Variants in SYNE1 observed in about 807,000 individuals in gnomAD.
SYNE1 encodes spectrin repeat containing nuclear envelope protein 1.
Under a neutral mutation model 1,111.0 loss-of-function variants are expected in SYNE1, and 616 were observed. That is an observed-to-expected ratio of 0.55 (90% CI 0.52 to 0.59). The LOEUF (loss-of-function observed/expected upper bound fraction) is 0.59, where lower values mean the gene tolerates loss of function less well. Among genes scored for constraint, SYNE1 ranks in the 20% least tolerant of loss-of-function variants. The pLI, the probability that SYNE1 is intolerant of heterozygous loss-of-function variation, is 0.00. For missense variants in SYNE1, 10,006 were observed against 10,417.0 expected (o/e 0.96, Z 1.72); for synonymous variants, 3,855 against 3,825.8 (o/e 1.01, Z -0.28).
chr6:152,479,241 T>C (rs1188506186), intron 14 of SYNE1, among the ~76,000 whole-genome samples: 3 of 152,094 alleles, frequency 2.0e-5, no homozygotes, highest in East Asian at 1.9e-4. Flanking sequence ...GGATCATCTC[T>C]AGGTTACTGA....
At position 152,461,713 on chromosome 6, in the gene SYNE1, C is replaced by A; in HGVS notation, c.2278G>T (p.Asp760Tyr). 1.9e-6 allele frequency: 3 copies of A among 1,613,950 alleles called. No individual in the cohort carries two copies. Among genetic ancestry groups the A allele is most frequent in the Non-Finnish European group, 2.5e-6 (3 of 1,179,936 alleles). The change falls in exon 21 of 146, where the codon GAT becomes TAT. Residue 760 changes from aspartate to tyrosine, a missense_variant. This residue lies in a region of SYNE1 where 1,971 missense variants were observed against 2,084.1 expected (regional missense o/e 0.95). Coordinates refer to ENST00000367255, the MANE Select transcript of SYNE1 (RefSeq NM_182961.4). ...EDIEQRVPVMDAQYKIITKTA... is the reference protein window; with the variant it reads ...EDIEQRVPVMYAQYKIITKTA... ...TTTGTAATTATCTTGTATTGGGCAT[C>A]CATCACAGGCACCCTCTGCTCAATA...
At chr6:152,125,268 A>G in intron 145 of SYNE1, 2 of 1,550,298 alleles carry the variant, frequency 1.3e-6, no homozygotes, top group Non-Finnish European at 1.7e-6. Context: ...TTTCACAGGT[A>G]TCTCACATGT....
intron 91 of SYNE1, among the ~76,000 whole-genome samples, chr6:152,305,511 C>A (rs1458593073): frequency 6.6e-6 from 1 of 152,132 alleles, no homozygotes; most frequent in Non-Finnish European, 1.5e-5. Flanking sequence ...GATCTGCCCG[C>A]CTTGGCCTCC....
At chr6:152,273,299 T>C (rs551975283) in intron 98 of SYNE1, among the ~76,000 whole-genome samples, 6 of 152,230 alleles carry the variant, frequency 3.9e-5, no homozygotes, top group Non-Finnish European at 5.9e-5. Flanking sequence ...AGCAGAAGCT[T>C]CTTCGTCTCA....
chr6:152,505,409 A>G lies in SYNE1; in HGVS notation c.582-12T>C. 2 of 1,613,380 alleles carry G rather than the reference A, an allele frequency of 1.2e-6. No individual in the cohort carries two copies. The highest frequency in any genetic ancestry group is 1.7e-6 in the Non-Finnish European group (2 of 1,179,814). On this transcript the variant is annotated splice_polypyrimidine_tract_variant and intron_variant, in intron 8 of 145. Coordinates refer to ENST00000367255, the MANE Select transcript of SYNE1 (RefSeq NM_182961.4). ...CTATTCCAGTCTGCCTTTGTGTTAT[A>G]AAAACATAAAATGATGTCACATTCT...
At chr6:152,135,262 A>G in intron 141 of SYNE1, 30 bp from the exon 142 acceptor site, 1 of 1,607,434 alleles carries the variant, frequency 6.2e-7, no homozygotes, top group Non-Finnish European at 8.5e-7. Context: ...GTAACTGTAA[A>G]TAAAATATTT....
At chr6:152,164,735 T>C (rs1237374824) in intron 130 of SYNE1, among the ~76,000 whole-genome samples, 4 of 152,150 alleles carry the variant, frequency 2.6e-5, no homozygotes, top group Admixed American at 2.0e-4. Flanking sequence ...AAGAGAAAGG[T>C]CATGGTGATA....
chr6:152,576,027 C>T (rs1488884568), intron 3 of SYNE1, among the ~76,000 whole-genome samples: 6 of 152,238 alleles, frequency 3.9e-5, no homozygotes, highest in South Asian at 2.1e-4. Flanking sequence ...AATCAGCAAA[C>T]GTGCCTGTGC....
chr6:152,284,053 C>T lies in SYNE1; in HGVS notation c.18132G>A (p.Gln6044=). 1 of 1,614,232 alleles carries T rather than the reference C, an allele frequency of 6.2e-7. No individual in the cohort carries two copies. The highest frequency in any genetic ancestry group is 8.5e-7 in the Non-Finnish European group (1 of 1,180,044). The change falls in exon 96 of 146, where the codon CAG becomes CAA. Residue 6044 remains glutamine, a synonymous_variant. Transcript: ENST00000367255. ...GCTCGGCTAAGACAGTGAGCGTGGACTGCAAGGCCAGCTGCTCCGCAGGGT... is the reference window on the plus strand; with the variant it reads ...GCTCGGCTAAGACAGTGAGCGTGGATTGCAAGGCCAGCTGCTCCGCAGGGT... ...EADPAEQLAL[Q]STLTVLAERM...
chr6:152,256,396 C>T (rs2090863074), intron 102 of SYNE1, among the ~76,000 whole-genome samples: 1 of 151,912 alleles, frequency 6.6e-6, no homozygotes, highest in African/African-American at 2.4e-5. Flanking sequence ...CACCACTGCA[C>T]TCCAGCTTGG....
chr6:152,530,256 T>A (rs1483366797), intron 4 of SYNE1, among the ~76,000 whole-genome samples: 1 of 152,214 alleles, frequency 6.6e-6, no homozygotes, highest in African/African-American at 2.4e-5. Flanking sequence ...TCAATAGCTC[T>A]TTCTTCTTGG....
intron 107 of SYNE1, among the ~76,000 whole-genome samples, chr6:152,239,938 A>C (rs534327394): frequency 8.3e-4 from 127 of 152,278 alleles, no homozygotes; most frequent in African/African-American, 2.9e-3. Context: ...TGTGCCTGTA[A>C]TCCTAGCTAC....
At chr6:152,621,715 G>T (rs907524414) in intron 3 of SYNE1, among the ~76,000 whole-genome samples, 1 of 151,922 alleles carries the variant, frequency 6.6e-6, no homozygotes, top group Non-Finnish European at 1.5e-5. Flanking sequence ...CAAACAGAGA[G>T]GCTTAGAGGA....
chr6:152,279,497 C>T (rs1208596876), intron 97 of SYNE1, among the ~76,000 whole-genome samples: 2 of 151,728 alleles, frequency 1.3e-5, no homozygotes, highest in African/African-American at 4.8e-5. Flanking sequence ...AGGCAGATCG[C>T]TTGAGCTCAG....
Position 152,135,939 on chromosome 6 carries a change from C to T in SYNE1, c.25659+679G>A, listed in dbSNP as rs910160286. ...CCGACTACACTCTGGTCACAATGGC[C>T]TGTTTTCTGTTCCTAAAGACACTAA... On this transcript the variant is annotated intron_variant, in intron 141 of 145. Coordinates refer to ENST00000367255, the MANE Select transcript of SYNE1 (RefSeq NM_182961.4). 3.3e-5 allele frequency among the ~76,000 whole-genome samples: 5 copies of T among 152,300 alleles called. No individual in the cohort carries two copies. The East Asian group carries it at 9.6e-4, about 29-fold the overall frequency.
intron 73 of SYNE1, among the ~76,000 whole-genome samples, chr6:152,346,063 T>C (rs2096624333): frequency 6.6e-6 from 1 of 152,230 alleles, no homozygotes; most frequent in Admixed American, 6.5e-5. Context: ...TTAGAAAGTA[T>C]TGATCGTGTG....
chr6:152,213,069 T>C (rs1009859491), intron 123 of SYNE1, among the ~76,000 whole-genome samples: 8 of 152,320 alleles, frequency 5.3e-5, no homozygotes, highest in African/African-American at 1.9e-4. Context: ...AATTTATTAA[T>C]TTACTTTGTG....
intron 56 of SYNE1, among the ~76,000 whole-genome samples, chr6:152,377,397 G>A (rs778105946): frequency 2.0e-5 from 3 of 151,186 alleles, no homozygotes; most frequent in Non-Finnish European, 4.4e-5. Flanking sequence ...ATCACCTGAG[G>A]TCAGGAGTTC....
rs1465696029 is a variant in SYNE1 at position 152,225,893 on chromosome 6, A to T, written c.21196-17T>A. The T allele has an allele frequency of 6.2e-7, 1 of 1,609,952 alleles. No individual in the cohort carries two copies. The highest frequency in any genetic ancestry group is 2.2e-5 in the East Asian group (1 of 44,834). On this transcript the variant is annotated splice_polypyrimidine_tract_variant and intron_variant, in intron 115 of 145. Coordinates refer to ENST00000367255, the MANE Select transcript of SYNE1 (RefSeq NM_182961.4). Reference sequence around the variant, plus strand: ...TTCCAGATCCTGAAAGATTTAAAAAATAGTCACTTTAAATTGTTCTATTAT... The same window carrying T: ...TTCCAGATCCTGAAAGATTTAAAAATTAGTCACTTTAAATTGTTCTATTAT...
Sources: gnomAD v4.1 joint callset for allele counts (sites outside exome capture counted in the v4.1 genomes callset) on GRCh38, gnomAD v4.1.1 for gene constraint, gnomAD v4.1.1 regional missense constraint, MANE v1.5 for transcripts, NCBI Gene and HGNC (gene_info 2026-07-23, HGNC 2026-07-21) for gene names.